BMPR1A: variants seen among roughly 807,000 people sequenced by gnomAD.
The protein encoded by BMPR1A is bone morphogenetic protein receptor type 1A.
A neutral mutation model predicts 66.0 loss-of-function variants in BMPR1A; 7 were observed. The ratio of observed to expected loss-of-function variants is 0.11; its 90% confidence interval spans 0.06 to 0.20. The LOEUF (loss-of-function observed/expected upper bound fraction) is 0.20. Ranked by LOEUF, BMPR1A falls within the 10% of genes least tolerant of loss-of-function variation. The pLI, the probability that BMPR1A is intolerant of heterozygous loss-of-function variation, is 1.00. For missense variants in BMPR1A, 408 were observed against 669.1 expected (o/e 0.61, Z 4.31); for synonymous variants, 200 against 229.7 (o/e 0.87, Z 1.17).
chr10:86,898,954 C>T (rs1843268000), intron 5 of BMPR1A, among the ~76,000 whole-genome samples: 2 of 152,106 alleles, frequency 1.3e-5, no homozygotes, highest in African/African-American at 2.4e-5. Context: ...TGGACATTTC[C>T]AAATGCTCTT....
At chr10:86,840,539 T>C (rs1475599276) in intron 2 of BMPR1A, among the ~76,000 whole-genome samples, 1 of 152,194 alleles carries the variant, frequency 6.6e-6, no homozygotes, top group Non-Finnish European at 1.5e-5. Flanking sequence ...TTTTTTCTTA[T>C]GTCTTTCCTA....
intron 2 of BMPR1A, among the ~76,000 whole-genome samples, chr10:86,871,896 CTG>C (rs1842859513): frequency 6.6e-6 from 1 of 152,050 alleles, no homozygotes; most frequent in African/African-American, 2.4e-5. Flanking sequence ...CTTATGTACT[CTG>C]TGAGCAAAGT....
intron 3 of BMPR1A, among the ~76,000 whole-genome samples, chr10:86,883,909 C>T (rs1214961597): frequency 3.5e-5 from 5 of 144,428 alleles, no homozygotes; most frequent in African/African-American, 1.3e-4. Flanking sequence ...GAGTCTTGCT[C>T]TGTGGCCCAG....
At chr10:86,833,786 G>A (rs1353882886) in intron 1 of BMPR1A, among the ~76,000 whole-genome samples, 3 of 152,046 alleles carry the variant, frequency 2.0e-5, no homozygotes, top group Admixed American at 1.3e-4. Context: ...TAAATTCATG[G>A]AAGTAAATGA....
At chr10:86,789,335 T>C (rs1841565482) in intron 1 of BMPR1A, among the ~76,000 whole-genome samples, 2 of 152,178 alleles carry the variant, frequency 1.3e-5, no homozygotes, top group Non-Finnish European at 2.9e-5. Context: ...AAAAGGACGC[T>C]GTCGAGTGAG....
At chr10:86,757,122 C>A (rs557875636) in intron 1 of BMPR1A, among the ~76,000 whole-genome samples, 11 of 151,890 alleles carry the variant, frequency 7.2e-5, no homozygotes, top group Non-Finnish European at 1.3e-4. Context: ...CGCGCCGCGT[C>A]CCCCGCCGGC....
chr10:86,823,211 C>A (rs1365478744), intron 1 of BMPR1A, among the ~76,000 whole-genome samples: 1 of 152,232 alleles, frequency 6.6e-6, no homozygotes, highest in Non-Finnish European at 1.5e-5. Flanking sequence ...GCTTTTAATA[C>A]AGCTGCTTGT....
intron 2 of BMPR1A, among the ~76,000 whole-genome samples, chr10:86,845,265 G>C (rs1842468565): frequency 6.6e-6 from 1 of 152,174 alleles, no homozygotes; most frequent in African/African-American, 2.4e-5. Flanking sequence ...TCATTAAGTG[G>C]GTGATCCAGT....
Position 86,891,801 on chromosome 10 carries a change from A to G in BMPR1A, c.231-326A>G, listed in dbSNP as rs573276611. Among the ~76,000 whole-genome samples, 4 of 152,352 alleles carry G rather than the reference A, an allele frequency of 2.6e-5. No homozygotes were observed. In the South Asian group the frequency reaches 8.3e-4, roughly 32 times the overall value. ...TTAAAGTATGTTTTCAAAACATGACATAAAATTTTATAAATCAGCTTTCTG... is the reference window on the plus strand; with the variant it reads ...TTAAAGTATGTTTTCAAAACATGACGTAAAATTTTATAAATCAGCTTTCTG... On this transcript the variant is annotated intron_variant, in intron 4 of 12. Transcript: ENST00000372037.
At chr10:86,873,785 A>G (rs1842882918) in intron 2 of BMPR1A, among the ~76,000 whole-genome samples, 1 of 152,258 alleles carries the variant, frequency 6.6e-6, no homozygotes, top group Admixed American at 6.5e-5. Flanking sequence ...AAATGCTGTT[A>G]AATCATGTGG....
chr10:86,931,091 A>C (rs1347763127), downstream of BMPR1A: 1 of 151,382 alleles, frequency 6.6e-6, no homozygotes, highest in Non-Finnish European at 1.5e-5. Context: ...AGGTACAAAA[A>C]TTAGCTGGGT....
chr10:86,859,253 A>G (rs1247099785), intron 2 of BMPR1A, among the ~76,000 whole-genome samples: 1 of 152,232 alleles, frequency 6.6e-6, no homozygotes, highest in Non-Finnish European at 1.5e-5. Flanking sequence ...ATATACAAAA[A>G]TAAACTCAAA....
At chr10:86,864,333 G>A (rs1017929518) in intron 2 of BMPR1A, among the ~76,000 whole-genome samples, 1 of 152,096 alleles carries the variant, frequency 6.6e-6, no homozygotes, top group Non-Finnish European at 1.5e-5. Flanking sequence ...CTTGATGGTC[G>A]GTTTAGGAGT....
rs116309528 is a variant in BMPR1A at position 86,814,211 on chromosome 10, G to A, written c.-267-24654G>A. Reference sequence around the variant, plus strand: ...TCTGGTGTCCTGGCATGTCATCCAGGCTGGCCTCTAATTCCTGGGCTCAAG... The same window carrying A: ...TCTGGTGTCCTGGCATGTCATCCAGACTGGCCTCTAATTCCTGGGCTCAAG... On this transcript the variant is annotated intron_variant, in intron 1 of 12. Transcript: ENST00000372037. 5.4e-3 allele frequency among the ~76,000 whole-genome samples: 816 copies of A among 152,202 alleles called. 11 individuals carry two copies. The highest frequency in any genetic ancestry group is 0.019 in the African/African-American group (791 of 41,546).
intron 2 of BMPR1A, chr10:86,854,986 G>T: frequency 5.0e-6 from 1 of 199,970 alleles, no homozygotes; most frequent in Non-Finnish European, 1.0e-5. Flanking sequence ...GCCCAGGCTG[G>T]GATGCAGTGG....
At chr10:86,805,377 TACACAC>T (rs60828047) in intron 1 of BMPR1A, among the ~76,000 whole-genome samples, 17 of 143,052 alleles carry the variant, frequency 1.2e-4, no homozygotes, top group Non-Finnish European at 2.0e-4. Flanking sequence ...CTCCTACCTG[TACACAC>T]ACACACACAC....
At chr10:86,834,648 C>T (rs571671487) in intron 1 of BMPR1A, among the ~76,000 whole-genome samples, 5 of 152,076 alleles carry the variant, frequency 3.3e-5, no homozygotes, top group Non-Finnish European at 5.9e-5. Context: ...GTTGACCCTC[C>T]CTTTCTAGTT....
intron 2 of BMPR1A, among the ~76,000 whole-genome samples, chr10:86,874,709 C>CTTTTTTTTT (rs200991488): frequency 1.1e-5 from 1 of 92,432 alleles, no homozygotes; most frequent in African/African-American, 5.0e-5. Context: ...ACCCGACCTT[C>CTTTTTTTTT]TTTTTTTTTT....
intron 1 of BMPR1A, among the ~76,000 whole-genome samples, chr10:86,757,693 T>TCAA (rs1431006127): frequency 1.3e-5 from 2 of 152,230 alleles, no homozygotes; most frequent in African/African-American, 4.8e-5. Flanking sequence ...AACAAACTGT[T>TCAA]CAGAGTACAT....
Sources: allele counts gnomAD v4.1 joint callset (sites outside exome capture counted in the v4.1 genomes callset), GRCh38; gene constraint gnomAD v4.1.1; transcripts MANE v1.5; gene names NCBI Gene and HGNC (gene_info 2026-07-23, HGNC 2026-07-21).